The following EPB41L2 variants were observed in gnomAD, a reference collection of about 807,000 sequenced individuals.
EPB41L2 encodes the protein band 4.1-like protein 2.
A neutral mutation model predicts 113.0 loss-of-function variants in EPB41L2; 43 were observed. The ratio of observed to expected loss-of-function variants is 0.38; its 90% CI spans 0.30 to 0.49. The LOEUF (loss-of-function observed/expected upper bound fraction) is 0.49. EPB41L2 is among the 20% of genes least tolerant of loss of function. The pLI, the probability that EPB41L2 is intolerant of heterozygous loss-of-function variation, is 0.95. For missense variants in EPB41L2, 1,147 were observed against 1,223.4 expected (o/e 0.94, Z 0.93); for synonymous variants, 442 against 436.7 (o/e 1.01, Z -0.15).
intron 1 of EPB41L2, among the ~76,000 whole-genome samples, chr6:130,973,606 C>T (rs560564117): frequency 8.5e-4 from 129 of 152,178 alleles, no homozygotes; most frequent in Non-Finnish European, 1.5e-3. Context: ...GGCAAACCTG[C>T]CTCCTTCCTT....
At chr6:130,880,065 A>G in intron 13 of EPB41L2, 79 bp downstream of exon 13, 1 of 1,061,896 alleles carries the variant, frequency 9.4e-7, no homozygotes. Context: ...GAACATTGCC[A>G]GCCAGCCTAG....
intron 14 of EPB41L2, among the ~76,000 whole-genome samples, chr6:130,875,197 A>G (rs1405218623): frequency 6.6e-6 from 1 of 152,114 alleles, no homozygotes; most frequent in Non-Finnish European, 1.5e-5. Context: ...CTCTCTACCA[A>G]TTAACAGAAT....
chr6:130,981,894 T>C (rs898764252), intron 1 of EPB41L2, among the ~76,000 whole-genome samples: 6 of 149,526 alleles, frequency 4.0e-5, no homozygotes, highest in Admixed American at 2.7e-4. Flanking sequence ...TATGCTAAAA[T>C]ATATAAAGAT....
Position 130,956,371 on chromosome 6 carries a change from A to C in EPB41L2, c.115T>G (p.Ser39Ala). 6.2e-7 allele frequency: 1 copy of C among 1,614,148 alleles called. No homozygotes were observed. Among genetic ancestry groups the C allele is most frequent in the Non-Finnish European group, 8.5e-7 (1 of 1,180,050 alleles). ...EVAENQQNQS[S>A]DPEEEKGSQP... ...GAACCTTTTTCCTCCTCTGGATCGG[A>C]AGACTGATTCTGCTGATTTTCTGCT... is the stretch of plus-strand genomic sequence containing the variant. Residue 39 changes from serine to alanine, a missense_variant, in exon 2 of 20, where the codon TCC (serine) becomes GCC (alanine). Coordinates refer to ENST00000337057, the MANE Select transcript of EPB41L2 (RefSeq NM_001431.4).
At chr6:130,896,273 A>C (rs1794628013) in intron 8 of EPB41L2, among the ~76,000 whole-genome samples, 1 of 152,268 alleles carries the variant, frequency 6.6e-6, no homozygotes, top group Non-Finnish European at 1.5e-5. Context: ...ACATTAGACC[A>C]ACTTGAGCCA....
intron 1 of EPB41L2, among the ~76,000 whole-genome samples, chr6:130,986,460 C>A (rs538042712): frequency 6.6e-6 from 1 of 151,994 alleles, no homozygotes; most frequent in East Asian, 1.9e-4. Flanking sequence ...GAACTGTTGG[C>A]AAGGATTTGG....
At chr6:130,878,368 T>A in intron 13 of EPB41L2, 118 bp from the exon 14 acceptor site, 1 of 1,212,808 alleles carries the variant, frequency 8.2e-7, no homozygotes, top group Non-Finnish European at 1.1e-6. Flanking sequence ...AAAACCATAG[T>A]AAAGCAAGAA....
At chr6:130,947,025 C>CAA (rs10670642) in intron 3 of EPB41L2, among the ~76,000 whole-genome samples, 2 of 145,666 alleles carry the variant, frequency 1.4e-5, no homozygotes, top group African/African-American at 5.2e-5. Context: ...AGACCCCCCC[C>CAA]CCAGCCCCTT....
intron 2 of EPB41L2, 36 bp from the exon 3 acceptor site, chr6:130,955,353 C>G: frequency 6.3e-7 from 1 of 1,594,422 alleles, no homozygotes. Flanking sequence ...ATACTATAGT[C>G]AACCACCTTG....
At chr6:130,973,844 C>T (rs1777496608) in intron 1 of EPB41L2, among the ~76,000 whole-genome samples, 1 of 152,278 alleles carries the variant, frequency 6.6e-6, no homozygotes, top group Non-Finnish European at 1.5e-5. Flanking sequence ...TGTGCTCTGA[C>T]CACCATGGGC....
chr6:130,869,901 G>A lies in EPB41L2; in HGVS notation c.2269C>T (p.Arg757Cys), dbSNP rs200396464. 25 of 1,612,332 alleles carry A rather than the reference G, an allele frequency of 1.6e-5. 1 individual carries two copies. In the East Asian group the frequency reaches 2.5e-4, roughly 16 times the overall value. Reference protein sequence around the residue: ...ESEEEDVGEYRPHHRVTEGTI... With the variant: ...ESEEEDVGEYCPHHRVTEGTI... ...CCCTCGGTCACTCGGTGGTGGGGAC[G>A]GTACTCTCCCACGTCTTCCTCCTCA... The change falls in exon 15 of 20, where the codon CGT becomes TGT. Residue 757 changes from arginine (R) to cysteine (C), a missense_variant. Physicochemically the swap from Arg to Cys is radical, Grantham distance 180. Transcript: ENST00000337057.
At chr6:130,939,812 C>T (rs1044185979) in intron 3 of EPB41L2, among the ~76,000 whole-genome samples, 2 of 152,188 alleles carry the variant, frequency 1.3e-5, no homozygotes, top group Non-Finnish European at 2.9e-5. Context: ...TTGACATGTG[C>T]TATATTCAGG....
intron 1 of EPB41L2, among the ~76,000 whole-genome samples, chr6:131,026,522 C>G (rs192567009): frequency 6.6e-6 from 1 of 152,328 alleles, no homozygotes; most frequent in East Asian, 1.9e-4. Flanking sequence ...TAACAAGACG[C>G]TGACAAGACT....
rs963158451 is a variant in EPB41L2, at chr6:131,058,263, T to C, written c.-15+4892A>G. ...ATAGATCACATGAAATCTATTCCAA[T>C]GCCAAGAAGTAAGAGACATCACTTT... is the stretch of plus-strand genomic sequence containing the variant. On this transcript the variant is annotated intron_variant, in intron 1 of 19. Transcript: ENST00000337057. Among the ~76,000 whole-genome samples, 4 of 152,274 alleles carry C rather than the reference T, an allele frequency of 2.6e-5. No individual in the cohort carries two copies. The East Asian group carries it at 7.7e-4, about 29-fold the overall frequency.
At chr6:130,970,383 G>C (rs945712425) in intron 1 of EPB41L2, 1 of 152,228 alleles carries the variant, frequency 6.6e-6, no homozygotes, top group African/African-American at 2.4e-5. Context: ...TAACGAGCAA[G>C]ACTGGCTCCA....
chr6:130,933,856 A>C (rs911615821), intron 3 of EPB41L2, among the ~76,000 whole-genome samples: 11 of 152,168 alleles, frequency 7.2e-5, no homozygotes, highest in Admixed American at 7.2e-4. Context: ...TACCCGGCAG[A>C]TTGTAGTGAA....
intron 1 of EPB41L2, among the ~76,000 whole-genome samples, chr6:131,051,831 A>G (rs1315709409): frequency 1.3e-5 from 2 of 152,226 alleles, no homozygotes; most frequent in African/African-American, 4.8e-5. Context: ...AGACATTTTA[A>G]GACATGCAAG....
At chr6:131,049,589 C>G (rs1286969374) in intron 1 of EPB41L2, among the ~76,000 whole-genome samples, 4 of 152,170 alleles carry the variant, frequency 2.6e-5, no homozygotes, top group Admixed American at 6.5e-5. Context: ...AAAAGATTAT[C>G]ATAATAAAAA....
intron 1 of EPB41L2, among the ~76,000 whole-genome samples, chr6:130,999,548 T>G (rs905192270): frequency 1.3e-5 from 2 of 152,198 alleles, no homozygotes; most frequent in African/African-American, 4.8e-5. Context: ...CTTTTAAGAT[T>G]CCTTTCAAGA....
Sources: allele counts gnomAD v4.1 joint callset (sites outside exome capture counted in the v4.1 genomes callset), GRCh38; gene constraint gnomAD v4.1.1; transcripts MANE v1.5; gene names NCBI Gene and HGNC (gene_info 2026-07-23, HGNC 2026-07-21).